IGF2R: variants seen among roughly 807,000 people sequenced by gnomAD.
IGF2R encodes the protein insulin like growth factor 2 receptor.
A neutral mutation model predicts 270.6 loss-of-function variants in IGF2R; 91 were observed. The observed-to-expected ratio is 0.34, with a 90% CI of 0.28 to 0.40. IGF2R has a LOEUF of 0.40. IGF2R is among the 10% of genes least tolerant of loss of function. The probability of loss-of-function intolerance (pLI) is 1.00; values close to 1 mark genes in which losing one functional copy is unlikely to be tolerated. For missense variants in IGF2R, 2,805 were observed against 3,188.3 expected (o/e 0.88, Z 2.90); for synonymous variants, 1,316 against 1,258.9 (o/e 1.05, Z -0.96).
intron 1 of IGF2R, among the ~76,000 whole-genome samples, chr6:159,986,200 C>A (rs980435873): frequency 2.0e-5 from 3 of 151,242 alleles, no homozygotes; most frequent in African/African-American, 7.3e-5. Context: ...GGAAAATGCT[C>A]ACTGGGCTTT....
chr6:159,996,744 A>G (rs527322026), intron 2 of IGF2R, among the ~76,000 whole-genome samples: 6 of 152,276 alleles, frequency 3.9e-5, no homozygotes, highest in African/African-American at 9.6e-5. Context: ...CTTACCACCA[A>G]TGTGTCTTCT....
chr6:160,035,079 A>G (rs986072934), intron 10 of IGF2R, among the ~76,000 whole-genome samples: 3 of 152,296 alleles, frequency 2.0e-5, no homozygotes, highest in Middle Eastern at 3.4e-3. Context: ...GCCGCTGTCC[A>G]TATCTTGACG....
intron 2 of IGF2R, among the ~76,000 whole-genome samples, chr6:159,999,504 C>G (rs1486914353): frequency 1.3e-5 from 2 of 152,146 alleles, no homozygotes; most frequent in African/African-American, 4.8e-5. Flanking sequence ...TCACATCAGA[C>G]AGATTGGAGC....
Position 160,073,581 on chromosome 6 carries a change from C to T in IGF2R, c.4947+112C>T, listed in dbSNP as rs1290908818. The T allele has an allele frequency of 5.5e-6, 7 of 1,264,714 alleles. No homozygotes were observed. The East Asian group carries it at 1.7e-4, about 31-fold the overall frequency. 78.3% of individuals were successfully genotyped at this position (1,264,714 alleles called of 1,614,324 possible). Reference sequence around the variant, plus strand: ...TAGATGCCCAGCTGAACTGTCCACTCCTGATCACCCCAATAATAAAGTTGA... The same window carrying T: ...TAGATGCCCAGCTGAACTGTCCACTTCTGATCACCCCAATAATAAAGTTGA... On this transcript the variant is annotated intron_variant, in intron 34 of 47. Transcript: ENST00000356956.
At chr6:160,069,534 G>A (rs1778668404) in intron 30 of IGF2R, among the ~76,000 whole-genome samples, 1 of 152,160 alleles carries the variant, frequency 6.6e-6, no homozygotes, top group Non-Finnish European at 1.5e-5. Flanking sequence ...CATGGACGTA[G>A]GCCATTTAAA....
At chr6:160,033,211 A>G (rs1414203939) in intron 9 of IGF2R, 104 bp downstream of exon 9, 2 of 751,650 alleles carry the variant, frequency 2.7e-6, no homozygotes, top group Non-Finnish European at 4.3e-6. Flanking sequence ...ATCTCGGTGC[A>G]TTGCAGCCTT....
At chr6:159,971,033 G>A (rs946907635) in intron 1 of IGF2R, among the ~76,000 whole-genome samples, 5 of 152,222 alleles carry the variant, frequency 3.3e-5, no homozygotes, top group African/African-American at 1.2e-4. Context: ...AGTTGTGATC[G>A]AGTCGAGTTG....
chr6:159,975,297 G>T (rs1783672474), intron 1 of IGF2R, among the ~76,000 whole-genome samples: 2 of 152,206 alleles, frequency 1.3e-5, no homozygotes, highest in South Asian at 4.1e-4. Context: ...AAGGGATACG[G>T]ATGAAGAGAT....
intron 27 of IGF2R, among the ~76,000 whole-genome samples, chr6:160,063,837 T>A (rs1007923053): frequency 6.6e-5 from 10 of 152,220 alleles, no homozygotes; most frequent in African/African-American, 1.9e-4. Context: ...CATGTCTATT[T>A]TATTCTTAGT....
Position 160,084,608 on chromosome 6 carries a change from C to T in IGF2R, c.6069-387C>T, listed in dbSNP as rs547584791. 4.6e-5 allele frequency among the ~76,000 whole-genome samples: 7 copies of T among 152,300 alleles called. No individual in the cohort carries two copies. The highest frequency in any genetic ancestry group is 1.4e-4 in the African/African-American group (6 of 41,568). ...GGAGCGCCCGCTTGGCCAGGTGCTC[C>T]TGCAAGACATCACCGAGGAGCAGGG... On this transcript the variant is annotated intron_variant, in intron 40 of 47. Coordinates refer to ENST00000356956, the MANE Select transcript of IGF2R (RefSeq NM_000876.4). The surrounding 1 kb of genome is among the most constrained non-coding windows in gnomAD (Gnocchi z 4.6).
At position 160,062,512 on chromosome 6, in the gene IGF2R, G is replaced by T. The variant is rs371386920; in HGVS notation, c.3583-20G>T. 2 of 1,573,434 alleles carry T rather than the reference G, an allele frequency of 1.3e-6. No homozygotes were observed. Among genetic ancestry groups the T allele is most frequent in the East Asian group, 4.5e-5 (2 of 44,626 alleles). ...TTAAAATAAACAGGAAACAAATCAG[G>T]CTGCTGATTTATATTACAGGGCTCA... On this transcript the variant is annotated intron_variant, in intron 25 of 47. Coordinates refer to ENST00000356956, the MANE Select transcript of IGF2R (RefSeq NM_000876.4).
At chr6:160,058,400 A>G (rs1208237376) in intron 21 of IGF2R, among the ~76,000 whole-genome samples, 4 of 152,200 alleles carry the variant, frequency 2.6e-5, no homozygotes, top group Non-Finnish European at 5.9e-5. Flanking sequence ...TGAAGCCTGT[A>G]CTCATTGTCC....
At chr6:160,076,844 G>A (rs1778864800) in intron 36 of IGF2R, among the ~76,000 whole-genome samples, 2 of 152,204 alleles carry the variant, frequency 1.3e-5, no homozygotes, top group Non-Finnish European at 2.9e-5. Context: ...CAGGATCTGG[G>A]GGTGTGAGAA....
At chr6:160,000,554 A>G (rs1389685501) in intron 2 of IGF2R, among the ~76,000 whole-genome samples, 1 of 152,098 alleles carries the variant, frequency 6.6e-6, no homozygotes, top group Non-Finnish European at 1.5e-5. Flanking sequence ...GTATAAATGC[A>G]AATCAGAGCA....
intron 2 of IGF2R, among the ~76,000 whole-genome samples, chr6:159,997,726 C>A (rs150829098): frequency 2.6e-5 from 4 of 152,342 alleles, no homozygotes; most frequent in Admixed American, 6.5e-5. Flanking sequence ...CCACTTGATA[C>A]TCCATTCTGG....
intron 45 of IGF2R, among the ~76,000 whole-genome samples, chr6:160,100,106 A>G (rs1404486310): frequency 6.6e-6 from 1 of 152,170 alleles, no homozygotes; most frequent in Non-Finnish European, 1.5e-5. Flanking sequence ...TAAAACAAAA[A>G]TCAGATAAGT....
chr6:160,039,158 T>C (rs915646478), intron 10 of IGF2R, among the ~76,000 whole-genome samples: 2 of 152,214 alleles, frequency 1.3e-5, no homozygotes, highest in African/African-American at 4.8e-5. Context: ...AACACACACC[T>C]AGATGGTATA....
At chr6:160,072,567 A>T (rs1478390366) in intron 32 of IGF2R, among the ~76,000 whole-genome samples, 198 bp from the exon 33 acceptor site, 2 of 152,152 alleles carry the variant, frequency 1.3e-5, no homozygotes, top group African/African-American at 4.8e-5. Flanking sequence ...TCAGCTAAGG[A>T]TGGGACATCT....
At chr6:159,976,454 T>G (rs1480980339) in intron 1 of IGF2R, among the ~76,000 whole-genome samples, 1 of 152,166 alleles carries the variant, frequency 6.6e-6, no homozygotes, top group East Asian at 1.9e-4. Flanking sequence ...GTGTTTTGTT[T>G]TTTCATCTTT....
Sources: allele counts gnomAD v4.1 joint callset (sites outside exome capture counted in the v4.1 genomes callset), GRCh38; gene constraint gnomAD v4.1.1; non-coding constraint Gnocchi (gnomAD v3.1); transcripts MANE v1.5; gene names NCBI Gene and HGNC (gene_info 2026-07-23, HGNC 2026-07-21).